Variants in XPNPEP2 observed in about 807,000 individuals in gnomAD.
XPNPEP2 encodes xaa-Pro aminopeptidase 2.
XPNPEP2 carries 64 observed loss-of-function variants against 59.8 expected under a neutral mutation model. The observed-to-expected ratio is 1.07, with a 90% confidence interval of 0.87 to 1.32. The LOEUF (loss-of-function observed/expected upper bound fraction) is 1.32. Among genes scored for constraint, XPNPEP2 ranks in the 40% most tolerant of loss-of-function variants. The pLI, the probability that XPNPEP2 is intolerant of heterozygous loss-of-function variation, is 0.00. For synonymous variants in XPNPEP2, 235 were observed against 210.0 expected (o/e 1.12, Z -1.03); for missense variants, 575 against 546.8 (o/e 1.05, Z -0.51).
intron 11 of XPNPEP2, among the ~76,000 whole-genome samples, chrX:129,753,797 T>C (rs1299243993): frequency 9.0e-6 from 1 of 111,174 alleles, no homozygotes; most frequent in African/African-American, 3.3e-5. Context: ...CTCCACCCAA[T>C]TCCTAACTGG....
chrX:129,739,347 C>G, intron 1 of XPNPEP2, 85 bp downstream of exon 1: 1 of 1,004,258 alleles, frequency 1.0e-6, no homozygotes, highest in Non-Finnish European at 1.4e-6. Flanking sequence ...GGTTGGGGCC[C>G]GAGTCTCTTT....
chrX:129,759,467 G>A (rs1926615724), intron 15 of XPNPEP2, among the ~76,000 whole-genome samples: 1 of 112,762 alleles, frequency 8.9e-6, no homozygotes, highest in South Asian at 3.6e-4. Flanking sequence ...TCCTATTCTG[G>A]TAAATCAGTG....
chrX:129,751,638 GGA>G (rs1181807319), intron 8 of XPNPEP2, 105 bp from the exon 9 acceptor site: 18 of 438,609 alleles, frequency 4.1e-5, no homozygotes, highest in East Asian at 2.8e-4. Context: ...AAGGAAGGAA[GGA>G]AGGGAGGAAG....
rs771878061 is a variant in XPNPEP2 at position 129,759,496 on chromosome X, G to T, written c.1428+256G>T. Among the ~76,000 whole-genome samples the T allele has an allele frequency of 3.6e-5, 4 of 112,603 alleles. No individual in the cohort carries two copies. The South Asian group carries it at 1.4e-3, about 41-fold the overall frequency. On this transcript the variant is annotated intron_variant, in intron 15 of 20. Coordinates refer to ENST00000371106, the MANE Select transcript of XPNPEP2 (RefSeq NM_003399.6). ...ATCAGTGCACAAATATTTTTTTGTT[G>T]TTGCCTGTGTGCCTGGCCCTGTACT... is the stretch of plus-strand genomic sequence containing the variant.
intron 14 of XPNPEP2, among the ~76,000 whole-genome samples, chrX:129,758,936 G>A (rs1926605841): frequency 9.0e-6 from 1 of 111,731 alleles, no homozygotes; most frequent in Non-Finnish European, 1.9e-5. Context: ...TGGGATGGGG[G>A]AGGAGTGTGT....
intron 8 of XPNPEP2, among the ~76,000 whole-genome samples, chrX:129,751,189 A>G (rs746356348): frequency 9.7e-6 from 1 of 102,835 alleles, no homozygotes; most frequent in African/African-American, 3.6e-5. Flanking sequence ...AGGCCAAAGG[A>G]AACAGTGGGG....
rs1201657702 is a variant in XPNPEP2 at position 129,768,647 on chromosome X, G to A, written c.*162G>A. On this transcript the variant is annotated 3_prime_UTR_variant, in exon 21 of 21. Transcript: ENST00000371106. ...CCAAGACCTATGGAGAAGGTCCCAGGCCCCAGGAACACAGGGCTTCTTGGC... is the reference window on the plus strand; with the variant it reads ...CCAAGACCTATGGAGAAGGTCCCAGACCCCAGGAACACAGGGCTTCTTGGC... 1.6e-5 allele frequency: 7 copies of A among 434,528 alleles called. No homozygotes were observed. The highest frequency in any genetic ancestry group is 2.4e-5 in the Non-Finnish European group (7 of 287,276). The allele number at this position is 434,528 out of a possible 1,213,427, so 35.8% of individuals were successfully genotyped here. A position where few individuals can be genotyped will look rare whatever the true frequency, so the allele number is the denominator to read the frequency against.
rs1406227477 is a variant in XPNPEP2, at chrX:129,752,311, A to G, written c.983A>G (p.Tyr328Cys). The change falls in exon 10 of 21, where the codon TAT becomes TGT. Residue 328 changes from tyrosine (Y) to cysteine (C), a missense_variant. Tyr to Cys is a radical substitution (Grantham distance 194). Coordinates refer to ENST00000371106, the MANE Select transcript of XPNPEP2 (RefSeq NM_003399.6). ...GTGAGGATCTGGATTGGGACCAGCT[A>G]TACCATGTATGGGATCTATGAAATG... ...GDVRIWIGTS[Y>C]TMYGIYEMIP... The G allele has an allele frequency of 8.3e-7, 1 of 1,211,703 alleles. No homozygotes were observed.
rs762212384 is a variant in XPNPEP2, at chrX:129,756,541, TG to T, written c.1359del (p.Gln454SerfsTer30). 8.3e-7 allele frequency: 1 copy of T among 1,211,287 alleles called. No homozygotes were observed. The highest frequency in any genetic ancestry group is 3.0e-5 in the East Asian group (1 of 33,828). ...CAGATGAGATGTACCTGCTGGACTCTGGGGGGCAGTACTGGTATGTACCCCG... is the reference window on the plus strand; with the variant it reads ...CAGATGAGATGTACCTGCTGGACTCTGGGGGCAGTACTGGTATGTACCCCG... Reference protein sequence around the residue: ...SSDEMYLLDSGGQYWDGTTDI... With the variant: ...SSDEMYLLDSXGQYWDGTTDI... On this transcript the variant is annotated frameshift_variant, in exon 14 of 21. Coordinates refer to ENST00000371106, the MANE Select transcript of XPNPEP2 (RefSeq NM_003399.6). LOFTEE classifies it high-confidence loss of function.
At chrX:129,747,869 A>G in intron 7 of XPNPEP2, 116 bp downstream of exon 7, 1 of 1,056,222 alleles carries the variant, frequency 9.5e-7, no homozygotes, top group Non-Finnish European at 1.3e-6. Flanking sequence ...TGCAAACCTT[A>G]GCATGCACCT....
At chrX:129,741,243 T>G (rs1386056435) in intron 1 of XPNPEP2, among the ~76,000 whole-genome samples, 2 of 110,940 alleles carry the variant, frequency 1.8e-5, no homozygotes, top group African/African-American at 6.6e-5. Flanking sequence ...TCTCCATATA[T>G]TCTGTCCCTT....
chrX:129,764,422 G>A (rs925409852), intron 19 of XPNPEP2, among the ~76,000 whole-genome samples: 5 of 110,287 alleles, frequency 4.5e-5, no homozygotes, highest in African/African-American at 6.6e-5. Flanking sequence ...TTGGAAGGCC[G>A]AGGCTGGTGG....
In XPNPEP2 at chrX:129,742,138, A is replaced by G. The variant is rs772460095; in HGVS notation, c.80A>G (p.Asp27Gly). 1 of 1,209,428 alleles carries G rather than the reference A, an allele frequency of 8.3e-7. No homozygotes were observed. Among genetic ancestry groups the G allele is most frequent in the Middle Eastern group, 2.3e-4 (1 of 4,344 alleles). The change falls in exon 2 of 21, where the codon GAC becomes GGC. Residue 27 changes from aspartate (D) to glycine (G), a missense_variant. Asp to Gly is a moderately conservative substitution (Grantham distance 94). Transcript: ENST00000371106. ...ACAWGHTKPV[D>G]LGGQDVRNCS... ...GCCTGGGGCCACACAAAGCCAGTGG[A>G]CCTTGGAGGGCAGGATGTGAGAAAC...
rs1926809916 is a variant in XPNPEP2 at position 129,769,217 on chromosome X, C to T, written c.*732C>T. Reference sequence around the variant, plus strand: ...GCCACAGCTACAATGCTGTTAAATCCTCCCACATTCTTGGATGCCCCTTCA... The same window carrying T: ...GCCACAGCTACAATGCTGTTAAATCTTCCCACATTCTTGGATGCCCCTTCA... On this transcript the variant is annotated 3_prime_UTR_variant, in exon 21 of 21. Transcript: ENST00000371106. 1 of 112,551 alleles carries T rather than the reference C, an allele frequency of 8.9e-6. No homozygotes were observed. Among genetic ancestry groups the T allele is most frequent in the African/African-American group, 3.2e-5 (1 of 30,954 alleles). The allele number at this position is 112,551 out of a possible 1,213,427, so 9.3% of individuals were successfully genotyped here. A position where few individuals can be genotyped will look rare whatever the true frequency, so the allele number is the denominator to read the frequency against.
At chrX:129,764,261 C>G (rs1926706519) in intron 19 of XPNPEP2, among the ~76,000 whole-genome samples, 1 of 108,272 alleles carries the variant, frequency 9.2e-6, no homozygotes, top group African/African-American at 3.4e-5. Context: ...CAAAAATAGA[C>G]AAAACAGGAA....
intron 1 of XPNPEP2, among the ~76,000 whole-genome samples, chrX:129,740,408 C>G (rs1434952336): frequency 8.9e-6 from 1 of 112,180 alleles, no homozygotes; most frequent in Non-Finnish European, 1.9e-5. Flanking sequence ...AGGCGGATCA[C>G]TTGAGGTCAG....
chrX:129,761,864 C>T lies in XPNPEP2; in HGVS notation c.1604-142C>T. Reference sequence around the variant, plus strand: ...CAGAGCCAATCTGGTGTGTGCCAGGCCCAGGCAGACAATGATGTGATGGAC... The same window carrying T: ...CAGAGCCAATCTGGTGTGTGCCAGGTCCAGGCAGACAATGATGTGATGGAC... On this transcript the variant is annotated intron_variant, in intron 17 of 20. Transcript: ENST00000371106. The T allele has an allele frequency of 8.7e-6, 5 of 574,423 alleles. No individual in the cohort carries two copies. The South Asian group carries it at 1.3e-4, about 14-fold the overall frequency. The allele number at this position is 574,423 out of a possible 1,213,427, so 47.3% of individuals were successfully genotyped here.
chrX:129,740,526 G>C (rs776613249), intron 1 of XPNPEP2, among the ~76,000 whole-genome samples: 13 of 110,827 alleles, frequency 1.2e-4, no homozygotes, highest in Admixed American at 2.9e-4. Context: ...CCTCAGGGGG[G>C]GCTGAGGCAG....
At chrX:129,747,928 C>G (rs779189675) in intron 7 of XPNPEP2, 175 bp downstream of exon 7, 1 of 620,160 alleles carries the variant, frequency 1.6e-6, no homozygotes, top group African/African-American at 2.2e-5. Flanking sequence ...GGCCCCCTCC[C>G]CTTGAGGAGT....
Sources: gnomAD v4.1 joint callset for allele counts (sites outside exome capture counted in the v4.1 genomes callset) on GRCh38, gnomAD v4.1.1 for gene constraint, MANE v1.5 for transcripts, NCBI Gene and HGNC (gene_info 2026-07-23, HGNC 2026-07-21) for gene names.